DCC: variants seen among roughly 807,000 people sequenced by gnomAD.
DCC encodes the protein netrin receptor DCC.
Under a neutral mutation model 172.5 loss-of-function variants are expected in DCC, and 58 were observed. The observed-to-expected ratio is 0.34, with a 90% CI of 0.27 to 0.42. The LOEUF (loss-of-function observed/expected upper bound fraction) is 0.42. DCC is among the 10% of genes least tolerant of loss of function. The probability of loss-of-function intolerance (pLI) is 1.00; values close to 1 mark genes in which losing one functional copy is unlikely to be tolerated. For missense variants in DCC, 1,740 were observed against 1,791.0 expected (o/e 0.97, Z 0.51); for synonymous variants, 709 against 644.5 (o/e 1.10, Z -1.52).
At chr18:53,175,575 C>G (rs1459258888) in intron 8 of DCC, among the ~76,000 whole-genome samples, 1 of 149,012 alleles carries the variant, frequency 6.7e-6, no homozygotes, top group Non-Finnish European at 1.5e-5. Context: ...CTCCCATTCA[C>G]AATTGCTTCA....
At chr18:53,274,957 G>A (rs1210206426) in intron 12 of DCC, among the ~76,000 whole-genome samples, 2 of 151,992 alleles carry the variant, frequency 1.3e-5, no homozygotes, top group African/African-American at 4.8e-5. Context: ...TTTTGGGTAG[G>A]GCATATGTAT....
At chr18:52,490,788 C>T (rs969202760) in intron 1 of DCC, among the ~76,000 whole-genome samples, 1 of 152,020 alleles carries the variant, frequency 6.6e-6, no homozygotes, top group Non-Finnish European at 1.5e-5. Context: ...ACAGCAAAGA[C>T]CCCACCTCTT....
chr18:53,140,288 C>T (rs2043810934), intron 7 of DCC, among the ~76,000 whole-genome samples: 2 of 152,066 alleles, frequency 1.3e-5, no homozygotes, highest in African/African-American at 2.4e-5. Flanking sequence ...ATTAAACAAG[C>T]TTTTATCTGC....
rs555366690 is a variant in DCC at position 52,774,484 on chromosome 18, C to T, written c.412+22110C>T. On this transcript the variant is annotated intron_variant, in intron 2 of 28. Coordinates refer to ENST00000442544, the MANE Select transcript of DCC (RefSeq NM_005215.4). ...TTCCCTGTTTACTTTGTGCAGAATACTCAACAAGTAGCCATTACTCCCAAG... is the reference window on the plus strand; with the variant it reads ...TTCCCTGTTTACTTTGTGCAGAATATTCAACAAGTAGCCATTACTCCCAAG... Among the ~76,000 whole-genome samples the T allele has an allele frequency of 3.9e-5, 6 of 152,324 alleles. No homozygotes were observed. The South Asian group carries it at 1.2e-3, about 32-fold the overall frequency.
At chr18:52,700,241 C>G (rs895875036) in intron 1 of DCC, among the ~76,000 whole-genome samples, 6 of 145,696 alleles carry the variant, frequency 4.1e-5, no homozygotes, top group Non-Finnish European at 6.0e-5. Flanking sequence ...CACTCACATG[C>G]ACACTCACAC....
In DCC at chr18:53,311,620, A is replaced by G. The variant is rs1352350239; in HGVS notation, c.2053+5901A>G. Among the ~76,000 whole-genome samples the G allele has an allele frequency of 2.6e-5, 4 of 152,226 alleles. No individual in the cohort carries two copies. The East Asian group carries it at 7.7e-4, about 29-fold the overall frequency. ...AGGCTGTTATATAACTTTGTAAAAG[A>G]TAATTAACATTAAAAACAATGTTTA... On this transcript the variant is annotated intron_variant, in intron 13 of 28. Coordinates refer to ENST00000442544, the MANE Select transcript of DCC (RefSeq NM_005215.4).
chr18:52,913,739 A>C (rs776820861), intron 3 of DCC, among the ~76,000 whole-genome samples: 1 of 152,138 alleles, frequency 6.6e-6, no homozygotes, highest in Admixed American at 6.6e-5. Context: ...TATGAATGTG[A>C]TATTTAACAG....
At chr18:53,088,010 G>A (rs1421143384) in intron 7 of DCC, among the ~76,000 whole-genome samples, 1 of 152,140 alleles carries the variant, frequency 6.6e-6, no homozygotes, top group Non-Finnish European at 1.5e-5. Context: ...CTGTAGCCTT[G>A]TAGTATAGTT....
At chr18:52,530,037 C>T (rs1235679243) in intron 1 of DCC, among the ~76,000 whole-genome samples, 1 of 152,052 alleles carries the variant, frequency 6.6e-6, no homozygotes, top group South Asian at 2.1e-4. Flanking sequence ...ATTTTGAATG[C>T]AATTAAACGT....
chr18:53,097,870 T>C (rs890884457), intron 7 of DCC, among the ~76,000 whole-genome samples: 1 of 152,152 alleles, frequency 6.6e-6, no homozygotes, highest in African/African-American at 2.4e-5. Context: ...ACCAGTCTTA[T>C]TGGATTAGAG....
rs112460663 is a variant in DCC, at chr18:52,702,933, G to T, written c.92-49121G>T. On this transcript the variant is annotated intron_variant, in intron 1 of 28. Transcript: ENST00000442544. ...CTATTTCCCATAACAACTCTTATAAGATTTCGTTTCAACTTAACTTTCTGC... is the reference window on the plus strand; with the variant it reads ...CTATTTCCCATAACAACTCTTATAATATTTCGTTTCAACTTAACTTTCTGC... Among the ~76,000 whole-genome samples, 1,241 of 152,188 alleles carry T rather than the reference G, an allele frequency of 8.2e-3. 13 individuals carry two copies. The highest frequency in any genetic ancestry group is 0.051 in the Middle Eastern group (15 of 294).
chr18:52,583,467 A>T (rs182041603), intron 1 of DCC, among the ~76,000 whole-genome samples: 6 of 152,340 alleles, frequency 3.9e-5, no homozygotes, highest in Non-Finnish European at 8.8e-5. Context: ...AGTAAAATGT[A>T]AAGAGTTATA....
chr18:52,366,451 T>C (rs952407414), intron 1 of DCC, among the ~76,000 whole-genome samples: 2 of 152,218 alleles, frequency 1.3e-5, no homozygotes, highest in Admixed American at 6.5e-5. Context: ...TAGAGCCGAG[T>C]GGCCTGTTTT....
intron 5 of DCC, among the ~76,000 whole-genome samples, chr18:53,008,684 T>C (rs1295136854): frequency 6.6e-6 from 1 of 151,906 alleles, no homozygotes; most frequent in South Asian, 2.1e-4. Flanking sequence ...ACTTTGTAAA[T>C]AAATGAATGG....
chr18:52,941,632 A>G (rs1049765782), intron 5 of DCC, among the ~76,000 whole-genome samples: 10 of 152,110 alleles, frequency 6.6e-5, no homozygotes, highest in African/African-American at 2.2e-4. Context: ...TCATTAAAGA[A>G]ACATGTAAGC....
intron 1 of DCC, among the ~76,000 whole-genome samples, chr18:52,471,176 C>A (rs1048343057): frequency 2.0e-5 from 3 of 152,110 alleles, no homozygotes; most frequent in Non-Finnish European, 4.4e-5. Context: ...CATACCAAGA[C>A]CCCGTCTCTA....
chr18:53,036,023 A>T (rs902492681), intron 5 of DCC, among the ~76,000 whole-genome samples: 2 of 152,016 alleles, frequency 1.3e-5, no homozygotes, highest in Admixed American at 6.6e-5. Context: ...GACACTTGGT[A>T]AGAGGGAATA....
intron 5 of DCC, among the ~76,000 whole-genome samples, chr18:52,982,623 G>T (rs1371062618): frequency 6.6e-6 from 1 of 152,026 alleles, no homozygotes; most frequent in Non-Finnish European, 1.5e-5. Context: ...GATGCCACTA[G>T]CATCCTCCTT....
At chr18:53,008,633 C>T (rs536020214) in intron 5 of DCC, among the ~76,000 whole-genome samples, 1 of 151,756 alleles carries the variant, frequency 6.6e-6, no homozygotes, top group Non-Finnish European at 1.5e-5. Flanking sequence ...CATTTTAGTA[C>T]CATTGGCCAC....
Sources: allele counts gnomAD v4.1 joint callset (sites outside exome capture counted in the v4.1 genomes callset), GRCh38; gene constraint gnomAD v4.1.1; transcripts MANE v1.5; gene names NCBI Gene and HGNC (gene_info 2026-07-23, HGNC 2026-07-21).